Variants in SPAG16 observed in about 807,000 individuals in gnomAD.
SPAG16 encodes sperm associated antigen 16, also known as sperm-associated antigen 16 protein.
In SPAG16, 86 loss-of-function variants were observed where a neutral mutation model predicts 80.4. That is an observed-to-expected ratio of 1.07 (90% CI 0.90 to 1.28). The LOEUF is 1.28. Ranked by LOEUF, SPAG16 falls within the 50% of genes most tolerant of loss-of-function variation. The probability of loss-of-function intolerance (pLI) is 0.00; values close to 1 mark genes in which losing one functional copy is unlikely to be tolerated. For missense variants in SPAG16, 870 were observed against 765.3 expected, an observed-to-expected ratio of 1.14 and a Z score of -1.61; for synonymous variants, 294 against 265.9, an observed-to-expected ratio of 1.11 and a Z score of -1.03.
intron 11 of SPAG16, among the ~76,000 whole-genome samples, chr2:213,911,288 G>T (rs1338244371): frequency 6.6e-6 from 1 of 152,062 alleles, no homozygotes; most frequent in East Asian, 1.9e-4. Context: ...ATGACTACAG[G>T]CACACACCAC....
intron 12 of SPAG16, among the ~76,000 whole-genome samples, chr2:213,954,193 G>GGC (rs1193340863): frequency 6.7e-6 from 1 of 148,970 alleles, no homozygotes; most frequent in Non-Finnish European, 1.5e-5. Flanking sequence ...GTAGTGCTGC[G>GGC]GCACAATCTT....
intron 10 of SPAG16, among the ~76,000 whole-genome samples, chr2:213,843,415 A>G (rs954964898): frequency 6.6e-6 from 1 of 152,186 alleles, no homozygotes; most frequent in Non-Finnish European, 1.5e-5. Flanking sequence ...CAGCTAACCC[A>G]AAAGTACAAG....
chr2:214,253,541 C>T (rs1430757548), intron 15 of SPAG16, among the ~76,000 whole-genome samples: 1 of 152,200 alleles, frequency 6.6e-6, no homozygotes, highest in Non-Finnish European at 1.5e-5. Context: ...GTTTTCCCAA[C>T]ACCATTTATT....
intron 9 of SPAG16, among the ~76,000 whole-genome samples, chr2:213,435,623 A>G (rs2070585204): frequency 6.6e-6 from 1 of 152,210 alleles, no homozygotes; most frequent in African/African-American, 2.4e-5. Context: ...GAATTTAAAG[A>G]TACCAATTAT....
At chr2:213,770,207 A>T (rs1202482345) in intron 10 of SPAG16, among the ~76,000 whole-genome samples, 12 of 152,152 alleles carry the variant, frequency 7.9e-5, no homozygotes, top group Admixed American at 7.9e-4. Flanking sequence ...AAAGTGCTAT[A>T]AACTTTCTTG....
intron 15 of SPAG16, among the ~76,000 whole-genome samples, chr2:214,348,759 TG>T (rs1305626826): frequency 6.6e-6 from 1 of 152,162 alleles, no homozygotes; most frequent in African/African-American, 2.4e-5. Context: ...TGGTGCCACG[TG>T]GGGCAGAAAA....
chr2:214,039,903 G>C (rs150644620), intron 13 of SPAG16, among the ~76,000 whole-genome samples: 1 of 152,184 alleles, frequency 6.6e-6, no homozygotes, highest in Non-Finnish European at 1.5e-5. Context: ...AGCGGTGGGG[G>C]TGGTTAGGCT....
chr2:214,371,606 G>A (rs556371837), intron 15 of SPAG16, among the ~76,000 whole-genome samples: 5 of 149,772 alleles, frequency 3.3e-5, no homozygotes, highest in African/African-American at 4.9e-5. Flanking sequence ...ATTCATATAA[G>A]CCAACAATAT....
chr2:213,974,908 T>C (rs1212763925), intron 12 of SPAG16, among the ~76,000 whole-genome samples: 2 of 145,400 alleles, frequency 1.4e-5, no homozygotes, highest in African/African-American at 5.2e-5. Context: ...TCTCCCTTTT[T>C]AACAGTTATC....
chr2:214,058,424 T>C (rs1054011231), intron 13 of SPAG16, among the ~76,000 whole-genome samples: 1 of 152,148 alleles, frequency 6.6e-6, no homozygotes, highest in African/African-American at 2.4e-5. Context: ...TTAATTATGT[T>C]TGCTGTCTTA....
At chr2:214,043,808 T>G (rs942374956) in intron 13 of SPAG16, among the ~76,000 whole-genome samples, 9 of 152,258 alleles carry the variant, frequency 5.9e-5, no homozygotes, top group East Asian at 3.9e-4. Flanking sequence ...TAGAAAATAA[T>G]GTCAATAGTT....
chr2:213,703,934 C>G (rs372563170), intron 10 of SPAG16, among the ~76,000 whole-genome samples: 91 of 152,292 alleles, frequency 6.0e-4, no homozygotes, highest in Middle Eastern at 6.8e-3. Context: ...TTTTGTACTC[C>G]TAAATTCAGC....
chr2:214,271,121 T>C (rs1195896517), intron 15 of SPAG16, among the ~76,000 whole-genome samples: 1 of 152,196 alleles, frequency 6.6e-6, no homozygotes, highest in Non-Finnish European at 1.5e-5. Context: ...GATACTTTTT[T>C]GCATTTTTGT....
chr2:213,562,589 A>G (rs916577761), intron 10 of SPAG16, among the ~76,000 whole-genome samples: 1 of 152,148 alleles, frequency 6.6e-6, no homozygotes, highest in Non-Finnish European at 1.5e-5. Context: ...GTGAGGGCCA[A>G]TGTCATATTT....
At chr2:214,054,126 C>T (rs911271709) in intron 13 of SPAG16, among the ~76,000 whole-genome samples, 1 of 152,146 alleles carries the variant, frequency 6.6e-6, no homozygotes, top group Non-Finnish European at 1.5e-5. Context: ...TCTCCTGCCT[C>T]AGCCTCTGAA....
intron 10 of SPAG16, among the ~76,000 whole-genome samples, chr2:213,765,592 C>CAA (rs1050615131): frequency 2.2e-5 from 3 of 135,130 alleles, no homozygotes; most frequent in African/African-American, 8.9e-5. Flanking sequence ...TTCACAATGT[C>CAA]ACGTGTGTGT....
chr2:214,186,662 CCTGA>C (rs1273203476), intron 15 of SPAG16, among the ~76,000 whole-genome samples: 2 of 152,174 alleles, frequency 1.3e-5, no homozygotes, highest in Admixed American at 1.3e-4. Context: ...TGAATACTAA[CCTGA>C]CTAAGTACAC....
intron 7 of SPAG16, among the ~76,000 whole-genome samples, chr2:213,361,494 T>C (rs1252945945): frequency 2.0e-5 from 3 of 150,822 alleles, no homozygotes; most frequent in Non-Finnish European, 4.4e-5. Flanking sequence ...ACATATCCAG[T>C]GTTAGGATCT....
intron 10 of SPAG16, among the ~76,000 whole-genome samples, chr2:213,696,837 T>G (rs2065173972): frequency 6.6e-6 from 1 of 152,120 alleles, no homozygotes; most frequent in Non-Finnish European, 1.5e-5. Context: ...AACAGACAAC[T>G]CTTCTTGTAA....
Sources: allele counts gnomAD v4.1 joint callset (sites outside exome capture counted in the v4.1 genomes callset), GRCh38; gene constraint gnomAD v4.1.1; transcripts MANE v1.5; gene names NCBI Gene and HGNC (gene_info 2026-07-23, HGNC 2026-07-21).